Variants in MAML2 observed in about 807,000 individuals in gnomAD.
The protein encoded by MAML2 is mastermind like transcriptional coactivator 2.
A neutral mutation model predicts 96.1 loss-of-function variants in MAML2; 22 were observed. The ratio of observed to expected loss-of-function variants is 0.23; its 90% CI spans 0.16 to 0.33. MAML2 has a LOEUF of 0.33. Ranked by LOEUF, MAML2 falls within the 10% of genes least tolerant of loss-of-function variation. The pLI is 1.00. For synonymous variants in MAML2, 561 were observed against 521.3 expected (o/e 1.08, Z -1.04); for missense variants, 1,367 against 1,392.4 (o/e 0.98, Z 0.29).
chr11:96,056,419 A>G (rs1251799548), intron 2 of MAML2, among the ~76,000 whole-genome samples: 1 of 148,234 alleles, frequency 6.7e-6, no homozygotes, highest in Non-Finnish European at 1.5e-5. Flanking sequence ...CCAGGTTGGG[A>G]ATCCAAAGTC....
At chr11:96,264,602 A>C (rs925191195) in intron 1 of MAML2, among the ~76,000 whole-genome samples, 1 of 152,062 alleles carries the variant, frequency 6.6e-6, no homozygotes, top group Non-Finnish European at 1.5e-5. Context: ...CCTTAGCTTT[A>C]TCTTAACCAT....
chr11:95,980,207 C>A (rs1268312331), intron 4 of MAML2, among the ~76,000 whole-genome samples: 2 of 152,106 alleles, frequency 1.3e-5, no homozygotes, highest in Non-Finnish European at 2.9e-5. Flanking sequence ...ATAGTTCTAT[C>A]TTGTAGGTTT....
intron 2 of MAML2, among the ~76,000 whole-genome samples, chr11:96,025,670 C>T (rs1858506599): frequency 6.6e-6 from 1 of 152,206 alleles, no homozygotes; most frequent in South Asian, 2.1e-4. Flanking sequence ...TCTCCTGCCT[C>T]AGCTTCCCAC....
intron 1 of MAML2, among the ~76,000 whole-genome samples, chr11:96,175,651 C>T (rs979458331): frequency 4.6e-5 from 7 of 152,156 alleles, no homozygotes; most frequent in Admixed American, 1.3e-4. Context: ...AGTGCAGTGG[C>T]GTGATCTCGG....
intron 1 of MAML2, among the ~76,000 whole-genome samples, chr11:96,268,061 G>A (rs1164436337): frequency 6.6e-6 from 1 of 152,178 alleles, no homozygotes; most frequent in Non-Finnish European, 1.5e-5. Context: ...AGAACCAGAA[G>A]GATGCCATCT....
intron 1 of MAML2, among the ~76,000 whole-genome samples, chr11:96,257,812 A>C (rs1237050745): frequency 6.6e-6 from 1 of 152,200 alleles, no homozygotes; most frequent in Non-Finnish European, 1.5e-5. Context: ...GACGAGAAGG[A>C]CTTACTAGTA....
At chr11:96,241,770 C>T (rs1211317123) in intron 1 of MAML2, among the ~76,000 whole-genome samples, 1 of 152,076 alleles carries the variant, frequency 6.6e-6, no homozygotes, top group Non-Finnish European at 1.5e-5. Context: ...AACCAATGGG[C>T]CCTTGGTTTG....
At chr11:96,256,594 C>G (rs1862671468) in intron 1 of MAML2, among the ~76,000 whole-genome samples, 1 of 152,180 alleles carries the variant, frequency 6.6e-6, no homozygotes, top group Non-Finnish European at 1.5e-5. Flanking sequence ...ATCACAATTA[C>G]AAACAAATAA....
chr11:96,187,578 G>T (rs1004311282), intron 1 of MAML2, among the ~76,000 whole-genome samples: 5 of 152,096 alleles, frequency 3.3e-5, no homozygotes, highest in Admixed American at 6.5e-5. Context: ...GGAGGCCGAG[G>T]GTGGTGGATC....
rs575861668 is a variant in MAML2 at position 96,053,222 on chromosome 11, T to C, written c.2139+38670A>G. 6.0e-4 allele frequency among the ~76,000 whole-genome samples: 92 copies of C among 152,296 alleles called. 1 individual carries two copies. In the South Asian group the frequency reaches 0.018, roughly 30 times the overall value. On this transcript the variant is annotated intron_variant, in intron 2 of 4. Coordinates refer to ENST00000524717, the MANE Select transcript of MAML2 (RefSeq NM_032427.4). ...ATTCTCAAACTCTCATAGAGAAATG[T>C]TCACTACTTCCTCTAGCCTGGAGTC...
At chr11:96,075,780 G>A (rs557377089) in intron 2 of MAML2, among the ~76,000 whole-genome samples, 1 of 152,316 alleles carries the variant, frequency 6.6e-6, no homozygotes, top group Admixed American at 6.5e-5. Context: ...TCAGGTTACT[G>A]GAAAAGCTAG....
At chr11:96,323,864 C>T (rs1781820758) in intron 1 of MAML2, among the ~76,000 whole-genome samples, 1 of 152,218 alleles carries the variant, frequency 6.6e-6, no homozygotes, top group South Asian at 2.1e-4. Context: ...CAGGTGGCTA[C>T]TGAAAGCTAC....
At chr11:95,984,451 T>C (rs369662865) in intron 4 of MAML2, among the ~76,000 whole-genome samples, 78 of 152,320 alleles carry the variant, frequency 5.1e-4, no homozygotes, top group African/African-American at 1.7e-3. Context: ...ATCCCATTCC[T>C]AATGTTACTT....
intron 2 of MAML2, among the ~76,000 whole-genome samples, chr11:96,047,999 T>C (rs1187990984): frequency 1.3e-5 from 2 of 149,642 alleles, no homozygotes; most frequent in South Asian, 2.1e-4. Context: ...GAATGAGGAA[T>C]GAGTCTAATC....
At chr11:96,014,250 T>C (rs539446292) in intron 2 of MAML2, among the ~76,000 whole-genome samples, 1 of 152,208 alleles carries the variant, frequency 6.6e-6, no homozygotes, top group African/African-American at 2.4e-5. Context: ...TTCTTTAAAC[T>C]GAGTATATTC....
At chr11:96,268,610 T>G (rs907773666) in intron 1 of MAML2, among the ~76,000 whole-genome samples, 1 of 152,202 alleles carries the variant, frequency 6.6e-6, no homozygotes, top group African/African-American at 2.4e-5. Flanking sequence ...CCCACCCAAA[T>G]TGCATCTTGA....
intron 2 of MAML2, among the ~76,000 whole-genome samples, chr11:96,034,455 G>A (rs1345344334): frequency 7.6e-5 from 11 of 145,296 alleles, no homozygotes; most frequent in Non-Finnish European, 3.0e-5. Flanking sequence ...GAGAGAGAGA[G>A]AGTGTGTGTG....
In MAML2 at chr11:96,225,675, A is replaced by C. The variant is rs1026855758; in HGVS notation, c.513+115708T>G. The stretch of plus-strand genomic sequence containing the variant: ...GGTGAAACCCGGTCTCTACTAAAAA[A>C]TACAAAAATTAGCTGGGCGTGGTGG... On this transcript the variant is annotated intron_variant, in intron 1 of 4. Transcript: ENST00000524717. 2.2e-4 allele frequency among the ~76,000 whole-genome samples: 33 copies of C among 152,100 alleles called. 1 individual carries two copies. The highest frequency in any genetic ancestry group is 2.0e-3 in the Admixed American group (30 of 15,264).
At chr11:96,073,321 C>CTTTTTTTTTTTTTT (rs57220287) in intron 2 of MAML2, among the ~76,000 whole-genome samples, 1 of 108,316 alleles carries the variant, frequency 9.2e-6, no homozygotes, top group Non-Finnish European at 2.0e-5. Flanking sequence ...CTTTTCTTTT[C>CTTTTTTTTTTTTTT]TTTTTTTTTT....
Sources: gnomAD v4.1 joint callset for allele counts (sites outside exome capture counted in the v4.1 genomes callset) on GRCh38, gnomAD v4.1.1 for gene constraint, MANE v1.5 for transcripts, NCBI Gene and HGNC (gene_info 2026-07-23, HGNC 2026-07-21) for gene names.